SLC8A1: variants seen among roughly 807,000 people sequenced by gnomAD.
SLC8A1 encodes the protein sodium/calcium exchanger 1.
In SLC8A1, 18 loss-of-function variants were observed where a neutral mutation model predicts 68.3. The ratio of observed to expected loss-of-function variants is 0.26; its 90% CI spans 0.18 to 0.39. The LOEUF (loss-of-function observed/expected upper bound fraction) is 0.39, where lower values mean the gene tolerates loss of function less well. Among genes scored for constraint, SLC8A1 ranks in the 10% least tolerant of loss-of-function variants. The pLI, the probability that SLC8A1 is intolerant of heterozygous loss-of-function variation, is 1.00. For missense variants in SLC8A1, 985 were observed against 1,156.7 expected (o/e 0.85, Z 2.15); for synonymous variants, 475 against 415.5 (o/e 1.14, Z -1.74).
At chr2:40,146,366 C>T (rs899487162) in intron 6 of SLC8A1, among the ~76,000 whole-genome samples, 1 of 152,106 alleles carries the variant, frequency 6.6e-6, no homozygotes, top group Non-Finnish European at 1.5e-5. Context: ...ATCTCACAAT[C>T]CAGGTTTAGA....
chr2:40,116,213 T>C (rs1423368978), intron 7 of SLC8A1, among the ~76,000 whole-genome samples: 2 of 152,184 alleles, frequency 1.3e-5, no homozygotes, highest in African/African-American at 4.8e-5. Context: ...TTGAAAACAA[T>C]TGAACTATAA....
At chr2:40,333,996 C>T (rs913849629) in intron 2 of SLC8A1, among the ~76,000 whole-genome samples, 3 of 152,046 alleles carry the variant, frequency 2.0e-5, no homozygotes, top group East Asian at 3.9e-4. Flanking sequence ...TGCAGTGAGC[C>T]GAGATGGCAC....
intron 2 of SLC8A1, among the ~76,000 whole-genome samples, chr2:40,374,782 A>C (rs1365735160): frequency 6.6e-6 from 1 of 152,076 alleles, no homozygotes; most frequent in Non-Finnish European, 1.5e-5. Flanking sequence ...CTGATCCCAC[A>C]TGGTGATAAT....
At chr2:40,381,098 G>T (rs1681619573) in intron 2 of SLC8A1, among the ~76,000 whole-genome samples, 2 of 151,998 alleles carry the variant, frequency 1.3e-5, no homozygotes, top group African/African-American at 4.8e-5. Context: ...CACCAACCAG[G>T]CAAGCCAAAT....
intron 2 of SLC8A1, chr2:40,254,998 C>G (rs2063653262): frequency 6.6e-6 from 1 of 151,798 alleles, no homozygotes. Context: ...TAATTTATTT[C>G]TCTATTTCTT....
intron 1 of SLC8A1, among the ~76,000 whole-genome samples, chr2:40,478,293 A>T (rs1000610361): frequency 6.6e-6 from 1 of 152,162 alleles, no homozygotes; most frequent in Admixed American, 6.5e-5. Context: ...TGTTTAAGGC[A>T]GTTCTACCTG....
Position 40,508,352 on chromosome 2 carries a change from TAA to T in SLC8A1, c.-25+3995_-25+3996del, listed in dbSNP as rs71406076. 3.6e-3 allele frequency among the ~76,000 whole-genome samples: 518 copies of T among 143,572 alleles called. 5 individuals carry two copies. Among genetic ancestry groups the T allele is most frequent in the African/African-American group, 0.012 (471 of 39,666 alleles). 94.2% of individuals were successfully genotyped at this position (143,572 alleles called of 152,430 possible). On this transcript the variant is annotated intron_variant, in intron 1 of 7. Transcript: ENST00000402441. ...TCGACACTTCCTAGAAAGGTAAAAG[TAA>T]AAAAAAAAAAAATCTAAAAAAAAGA...
intron 2 of SLC8A1, chr2:40,254,881 C>CAAAG (rs1265830229): frequency 2.0e-5 from 3 of 152,140 alleles, no homozygotes; most frequent in Non-Finnish European, 4.4e-5. Flanking sequence ...GCAATTACAT[C>CAAAG]AAAGAGTGAA....
At chr2:40,238,326 C>G (rs566625281) in intron 2 of SLC8A1, among the ~76,000 whole-genome samples, 4 of 152,286 alleles carry the variant, frequency 2.6e-5, no homozygotes, top group Non-Finnish European at 2.9e-5. Context: ...TTTTTAAGCC[C>G]GTTGGAAAAG....
intron 2 of SLC8A1, among the ~76,000 whole-genome samples, chr2:40,270,527 TCA>T (rs2065898327): frequency 6.6e-6 from 1 of 152,200 alleles, no homozygotes. Flanking sequence ...TCCTCTATCT[TCA>T]CAGTCAGCAA....
intron 4 of SLC8A1, among the ~76,000 whole-genome samples, chr2:40,168,876 A>G (rs544656545): frequency 5.5e-4 from 84 of 152,370 alleles, no homozygotes; most frequent in African/African-American, 1.9e-3. Flanking sequence ...TAAATTACAT[A>G]ACATCATAGT....
At chr2:40,511,286 T>A (rs559477213) in intron 1 of SLC8A1, among the ~76,000 whole-genome samples, 1 of 152,174 alleles carries the variant, frequency 6.6e-6, no homozygotes, top group African/African-American at 2.4e-5. Flanking sequence ...CTTGTGTAAA[T>A]TTTTTTAATT....
intron 1 of SLC8A1, among the ~76,000 whole-genome samples, chr2:40,437,762 A>G (rs572453427): frequency 2.0e-5 from 3 of 152,278 alleles, no homozygotes; most frequent in East Asian, 3.9e-4. Flanking sequence ...TAAGTAATCC[A>G]AAGAAATGCA....
chr2:40,125,282 G>A (rs865840921), intron 7 of SLC8A1, among the ~76,000 whole-genome samples: 1 of 152,156 alleles, frequency 6.6e-6, no homozygotes, highest in Non-Finnish European at 1.5e-5. Context: ...GAAGGGTGTA[G>A]CGGGGAGGAG....
At chr2:40,165,005 A>G in intron 4 of SLC8A1, 21 bp from the exon 8 acceptor site, 1 of 1,613,336 alleles carries the variant, frequency 6.2e-7, no homozygotes, top group Non-Finnish European at 8.5e-7. Context: ...GAAGTATCAG[A>G]GAGTGAGCAC....
At chr2:40,277,960 C>T in intron 2 of SLC8A1, among the ~76,000 whole-genome samples, 1 of 151,754 alleles carries the variant, frequency 6.6e-6, no homozygotes, top group Admixed American at 6.6e-5. Context: ...ATTTTACATA[C>T]AGAGAAACCA....
chr2:40,386,500 T>C (rs1218482439), intron 2 of SLC8A1, among the ~76,000 whole-genome samples: 1 of 139,976 alleles, frequency 7.1e-6, no homozygotes, highest in South Asian at 2.3e-4. Flanking sequence ...AAAGCTATTT[T>C]AGATCAGGAT....
chr2:40,213,580 A>G (rs2148793857), intron 2 of SLC8A1: 1 of 152,364 alleles, frequency 6.6e-6, no homozygotes, highest in Admixed American at 6.5e-5. Context: ...TGGGGTACTT[A>G]ACCAAAGTCC....
At chr2:40,413,186 C>T (rs6742827) in intron 2 of SLC8A1, among the ~76,000 whole-genome samples, 23,674 of 152,154 alleles carry the variant, frequency 0.16, 1,927 homozygotes, top group Middle Eastern at 0.24. Context: ...TTGTGGAAGT[C>T]GGTGTGGCGA....
Sources: gnomAD v4.1 joint callset for allele counts (sites outside exome capture counted in the v4.1 genomes callset) on GRCh38, gnomAD v4.1.1 for gene constraint, MANE v1.5 for transcripts, NCBI Gene and HGNC (gene_info 2026-07-23, HGNC 2026-07-21) for gene names.